The following NEMP2 variants were observed in gnomAD, a reference collection of about 807,000 sequenced individuals.
NEMP2 encodes the protein UPF0571 transmembrane protein.
Under a neutral mutation model 54.2 loss-of-function variants are expected in NEMP2, and 53 were observed. The observed-to-expected ratio is 0.98, with a 90% CI of 0.78 to 1.23. NEMP2 has a LOEUF of 1.23. Ranked by LOEUF, NEMP2 falls within the 50% of genes most tolerant of loss-of-function variation. The pLI is 0.00. For missense variants in NEMP2, 455 were observed against 511.3 expected (o/e 0.89, Z 1.06); for synonymous variants, 197 against 190.3 (o/e 1.04, Z -0.29).
chr2:190,437,289 T>G, the NEMP2 span: 1 of 1,614,218 alleles, frequency 6.2e-7, no homozygotes, highest in South Asian at 1.1e-5. The surrounding 1 kb of genome is among the most constrained non-coding windows in gnomAD (Gnocchi z 5.9). Flanking sequence ...CAGAGTCCTC[T>G]GAGGAGACAC....
the NEMP2 span, among the ~76,000 whole-genome samples, chr2:190,469,087 T>C: frequency 6.6e-6 from 1 of 152,020 alleles, no homozygotes; most frequent in African/African-American, 2.4e-5. The surrounding 1 kb of genome is among the most constrained non-coding windows in gnomAD (Gnocchi z 5.3). Context: ...ATGGTGGGGG[T>C]GAGAGAATGC....
chr2:190,631,000 TTA>T, the NEMP2 span, among the ~76,000 whole-genome samples: 1 of 147,528 alleles, frequency 6.8e-6, no homozygotes, highest in Non-Finnish European at 1.5e-5. This position sits in a 1 kb window ranked among gnomAD's most constrained non-coding sequence, Gnocchi z 5.5. Flanking sequence ...CTGTTTCTAA[TTA>T]AAAAAAAAAA....
the NEMP2 span, among the ~76,000 whole-genome samples, chr2:190,449,122 G>C: frequency 6.6e-6 from 1 of 152,136 alleles, no homozygotes; most frequent in South Asian, 2.1e-4. Flanking sequence ...TAACAACCAT[G>C]GCTTCAGGTC....
rs1481787166 is a variant in NEMP2, at chr2:190,530,488, C to T, written c.97+4071G>A. On this transcript the variant is annotated intron_variant, in intron 1 of 8. Transcript: ENST00000409150. The surrounding 1 kb of genome is among the most constrained non-coding windows in gnomAD (Gnocchi z 4.6). ...AGCTTCAAGTCAGTTCATTAAGCCA[C>T]GGGCTATTTGGACTAGGCAAAAGAC... Among the ~76,000 whole-genome samples, 1 of 152,184 alleles carries T rather than the reference C, an allele frequency of 6.6e-6. No homozygotes were observed. The highest frequency in any genetic ancestry group is 1.5e-5 in the Non-Finnish European group (1 of 68,034).
At position 190,525,682 on chromosome 2, in the gene NEMP2, G is replaced by T. The variant is rs561789374; in HGVS notation, c.98-304C>A. ...ACCTTCTCAGAAAAGACAAAAATAT[G>T]AGTAAAGGGCTGAAGGGCAAGGTAG... On this transcript the variant is annotated intron_variant, in intron 1 of 8. Coordinates refer to ENST00000409150, the MANE Select transcript of NEMP2 (RefSeq NM_001142645.2). The surrounding 1 kb of genome is among the most constrained non-coding windows in gnomAD (Gnocchi z 5.0). Among the ~76,000 whole-genome samples, 89 of 152,104 alleles carry T rather than the reference G, an allele frequency of 5.9e-4. No homozygotes were observed. Among genetic ancestry groups the T allele is most frequent in the Admixed American group, 2.7e-3 (41 of 15,266 alleles).
chr2:190,497,866 T>G, the NEMP2 span: 1 of 908,806 alleles, frequency 1.1e-6, no homozygotes, highest in South Asian at 1.7e-5. This position sits in a 1 kb window ranked among gnomAD's most constrained non-coding sequence, Gnocchi z 5.2. Context: ...CAGTACTCTG[T>G]GAGCACTGAG....
chr2:190,566,031 T>G, the NEMP2 span, among the ~76,000 whole-genome samples: 402 of 136,930 alleles, frequency 2.9e-3, 2 homozygotes, highest in Non-Finnish European at 5.0e-3. Flanking sequence ...ACAGGAAGTA[T>G]GACCCTGGGC....
At chr2:190,557,363 A>C in the NEMP2 span, among the ~76,000 whole-genome samples, 1 of 152,260 alleles carries the variant, frequency 6.6e-6, no homozygotes, top group African/African-American at 2.4e-5. Flanking sequence ...ACCTAAAGCC[A>C]TAAAAACCCT....
At chr2:190,449,892 T>A in the NEMP2 span, among the ~76,000 whole-genome samples, 70 of 152,084 alleles carry the variant, frequency 4.6e-4, no homozygotes, top group African/African-American at 5.1e-4. Flanking sequence ...GAGGAATAGC[T>A]TTAGGAGATA....
the NEMP2 span, chr2:190,436,532 AC>A: frequency 1.2e-6 from 2 of 1,614,146 alleles, no homozygotes; most frequent in Non-Finnish European, 1.7e-6. The surrounding 1 kb of genome is among the most constrained non-coding windows in gnomAD (Gnocchi z 5.3). Context: ...CCAACAACTC[AC>A]CCCACCAATG....
At chr2:190,454,932 GTATGTATATGTATATGTATATGTA>G in the NEMP2 span, among the ~76,000 whole-genome samples, 627 of 132,900 alleles carry the variant, frequency 4.7e-3, 2 homozygotes, top group East Asian at 0.025. This position sits in a 1 kb window ranked among gnomAD's most constrained non-coding sequence, Gnocchi z 4.6. Context: ...CCTGGTTTCT[GTATGTATATGTATATGTATATGTA>G]TATGTATATG....
the NEMP2 span, among the ~76,000 whole-genome samples, chr2:190,432,274 A>T: frequency 0.012 from 1,780 of 152,236 alleles, 38 homozygotes; most frequent in African/African-American, 0.041. Flanking sequence ...GCCTCTGGGA[A>T]CCTCCTGAAG....
chr2:190,482,868 C>CTTTTTTTTTTTTT, the NEMP2 span, among the ~76,000 whole-genome samples: 5 of 48,290 alleles, frequency 1.0e-4, 1 homozygote, highest in Non-Finnish European at 1.9e-4. Flanking sequence ...AGACTATCAT[C>CTTTTTTTTTTTTT]TTTTTTTTTT....
At chr2:190,627,887 T>A in the NEMP2 span, 1 of 152,240 alleles carries the variant, frequency 6.6e-6, no homozygotes, top group Non-Finnish European at 1.5e-5. The surrounding 1 kb of genome is among the most constrained non-coding windows in gnomAD (Gnocchi z 4.4). Flanking sequence ...CATTTTTCTA[T>A]CCGTGTGCCA....
the NEMP2 span, among the ~76,000 whole-genome samples, chr2:190,645,001 C>T: frequency 1.3e-5 from 2 of 152,178 alleles, no homozygotes; most frequent in African/African-American, 2.4e-5. Context: ...CACTCTACAA[C>T]ACGGATTAAA....
At chr2:190,642,915 T>C in the NEMP2 span, among the ~76,000 whole-genome samples, 1 of 151,874 alleles carries the variant, frequency 6.6e-6, no homozygotes, top group African/African-American at 2.4e-5. The surrounding 1 kb of genome is among the most constrained non-coding windows in gnomAD (Gnocchi z 4.1). Flanking sequence ...AAATTAATGC[T>C]CTTTTAGTGA....
At chr2:190,435,637 AAC>A in the NEMP2 span, among the ~76,000 whole-genome samples, 68,944 of 151,880 alleles carry the variant, frequency 0.45, 16,026 homozygotes, top group Admixed American at 0.6. Context: ...AGAAACTATA[AAC>A]AGTGTTTATT....
chr2:190,620,432 A>AAAAAC, the NEMP2 span: 9 of 152,244 alleles, frequency 5.9e-5, no homozygotes, highest in East Asian at 1.9e-4. The surrounding 1 kb of genome is among the most constrained non-coding windows in gnomAD (Gnocchi z 4.9). Flanking sequence ...AGCAAAAAAC[A>AAAAAC]AAAACAAAAC....
chr2:190,558,673 G>A, the NEMP2 span, among the ~76,000 whole-genome samples: 1 of 152,356 alleles, frequency 6.6e-6, no homozygotes, highest in South Asian at 2.1e-4. This position sits in a 1 kb window ranked among gnomAD's most constrained non-coding sequence, Gnocchi z 4.4. Flanking sequence ...GTGAAGAGAA[G>A]TAGGCTGCAG....
Sources: allele counts gnomAD v4.1 joint callset (sites outside exome capture counted in the v4.1 genomes callset), GRCh38; gene constraint gnomAD v4.1.1; non-coding constraint Gnocchi (gnomAD v3.1); transcripts MANE v1.5; gene names NCBI Gene and HGNC (gene_info 2026-07-23, HGNC 2026-07-21).